The following PRKCE variants were observed in gnomAD, a reference collection of about 807,000 sequenced individuals.
The protein encoded by PRKCE is protein kinase C epsilon.
In PRKCE, 16 loss-of-function variants were observed where a neutral mutation model predicts 85.4. The observed-to-expected ratio is 0.19, with a 90% CI of 0.13 to 0.28. PRKCE has a LOEUF of 0.28. Among genes scored for constraint, PRKCE ranks in the 10% least tolerant of loss-of-function variants. PRKCE has a pLI of 1.00. For synonymous variants in PRKCE, 388 were observed against 371.5 expected, an observed-to-expected ratio of 1.04 and a Z score of -0.51; for missense variants, 573 against 975.2, an observed-to-expected ratio of 0.59 and a Z score of 5.49.
At chr2:45,966,973 C>T (rs55993515) in intron 2 of PRKCE, among the ~76,000 whole-genome samples, 1 of 152,124 alleles carries the variant, frequency 6.6e-6, no homozygotes, top group South Asian at 2.1e-4. Context: ...AAAGCCACAG[C>T]TTTGGTGGAT....
At chr2:45,856,499 T>G (rs1346954350) in intron 2 of PRKCE, among the ~76,000 whole-genome samples, 1 of 152,210 alleles carries the variant, frequency 6.6e-6, no homozygotes, top group East Asian at 1.9e-4. Flanking sequence ...CCAGAGTTCT[T>G]GGATTACAGG....
intron 1 of PRKCE, among the ~76,000 whole-genome samples, chr2:45,812,358 A>C (rs750647453): frequency 2.4e-4 from 37 of 152,226 alleles, no homozygotes; most frequent in Non-Finnish European, 2.6e-4. Context: ...TGAAACATGA[A>C]GCCTAAGGAG....
In PRKCE at chr2:45,895,892, G is replaced by A. The variant is rs1696100549; in HGVS notation, c.412+52829G>A. ...AGGATGCAGGCAAGGGGCTCCCAGA[G>A]GAGTTGGTGTCTGGGCTGTGGCTGA... On this transcript the variant is annotated intron_variant, in intron 2 of 14. Transcript: ENST00000306156. This position sits in a 1 kb window ranked among gnomAD's most constrained non-coding sequence, Gnocchi z 4.8. Among the ~76,000 whole-genome samples, 1 of 152,184 alleles carries A rather than the reference G, an allele frequency of 6.6e-6. No homozygotes were observed. Among genetic ancestry groups the A allele is most frequent in the African/African-American group, 2.4e-5 (1 of 41,444 alleles).
At chr2:45,711,920 G>A (rs1474169586) in intron 1 of PRKCE, among the ~76,000 whole-genome samples, 1 of 152,100 alleles carries the variant, frequency 6.6e-6, no homozygotes, top group Admixed American at 6.6e-5. Flanking sequence ...AACACGCCCG[G>A]CCTCCATTAT....
chr2:45,669,950 G>A (rs1254131158), intron 1 of PRKCE, among the ~76,000 whole-genome samples: 1 of 152,210 alleles, frequency 6.6e-6, no homozygotes. Context: ...GGCAGAGGTT[G>A]CAGTGAGCTG....
At chr2:45,793,069 G>T (rs1338779015) in intron 1 of PRKCE, among the ~76,000 whole-genome samples, 1 of 152,226 alleles carries the variant, frequency 6.6e-6, no homozygotes, top group Non-Finnish European at 1.5e-5. Flanking sequence ...AAAGAGCTGG[G>T]ATTACAGGCG....
intron 1 of PRKCE, among the ~76,000 whole-genome samples, chr2:45,763,244 G>A (rs1297735171): frequency 6.6e-6 from 1 of 152,192 alleles, no homozygotes; most frequent in African/African-American, 2.4e-5. Flanking sequence ...GTGAGCCACT[G>A]CTCCTGGCCT....
intron 2 of PRKCE, among the ~76,000 whole-genome samples, chr2:45,949,879 CTTTG>C (rs1700506980): frequency 1.8e-5 from 2 of 113,670 alleles, no homozygotes; most frequent in Non-Finnish European, 4.0e-5. Flanking sequence ...AGCCTTCATT[CTTTG>C]TTGTTTTTTT....
At chr2:45,707,080 A>G (rs1282407001) in intron 1 of PRKCE, among the ~76,000 whole-genome samples, 5 of 152,218 alleles carry the variant, frequency 3.3e-5, no homozygotes, top group African/African-American at 1.2e-4. Context: ...TGACTGTTAT[A>G]TTCCTCAGTC....
chr2:46,021,563 A>G (rs1032361537), intron 10 of PRKCE, among the ~76,000 whole-genome samples: 1 of 152,012 alleles, frequency 6.6e-6, no homozygotes, highest in Non-Finnish European at 1.5e-5. Context: ...GAAACTGTCA[A>G]TTGTGTAGCC....
In PRKCE at chr2:46,086,992, A is replaced by G. The variant is rs76906758; in HGVS notation, c.1592+630A>G. Among the ~76,000 whole-genome samples, 1,091 of 152,306 alleles carry G rather than the reference A, an allele frequency of 7.2e-3. 12 individuals are homozygous for G. The highest frequency in any genetic ancestry group is 0.024 in the African/African-American group (977 of 41,552). On this transcript the variant is annotated intron_variant, in intron 11 of 14. Coordinates refer to ENST00000306156, the MANE Select transcript of PRKCE (RefSeq NM_005400.3). ...CGCACACTGATTTTCCATGAAGAGA[A>G]CAAAACTACAAAGGCTCTTCTGTGA...
At chr2:46,112,499 T>TTTTG (rs148218328) in intron 11 of PRKCE, among the ~76,000 whole-genome samples, 1 of 140,684 alleles carries the variant, frequency 7.1e-6, no homozygotes, top group African/African-American at 2.6e-5. Flanking sequence ...TTGGTTTTTT[T>TTTTG]TTTGTTTGTT....
chr2:45,873,675 G>A (rs1694262502), intron 2 of PRKCE, among the ~76,000 whole-genome samples: 1 of 152,170 alleles, frequency 6.6e-6, no homozygotes, highest in African/African-American at 2.4e-5. Context: ...CATCCCAGCT[G>A]CCTCCTCACT....
rs910460553 is a variant in PRKCE, at chr2:45,938,989, G to C, written c.413-37440G>C. Among the ~76,000 whole-genome samples, 4 of 152,176 alleles carry C rather than the reference G, an allele frequency of 2.6e-5. No individual in the cohort carries two copies. In the South Asian group the frequency reaches 8.3e-4, roughly 32 times the overall value. On this transcript the variant is annotated intron_variant, in intron 2 of 14. Coordinates refer to ENST00000306156, the MANE Select transcript of PRKCE (RefSeq NM_005400.3). ...CAACACTCAGGAATCCAGCGCAGTA[G>C]GCTAATTCCACGCTGGCTCTGACCT...
intron 1 of PRKCE, among the ~76,000 whole-genome samples, chr2:45,748,977 C>T (rs1438988002): frequency 6.6e-6 from 1 of 151,236 alleles, no homozygotes; most frequent in Non-Finnish European, 1.5e-5. Context: ...GCAACCTCTG[C>T]CTCTTGGGTT....
In PRKCE at chr2:45,871,972, G is replaced by A. The variant is rs114053226; in HGVS notation, c.412+28909G>A. Among the ~76,000 whole-genome samples the A allele has an allele frequency of 3.3e-3, 510 of 152,298 alleles. 2 individuals carry two copies. Among genetic ancestry groups the A allele is most frequent in the Non-Finnish European group, 6.4e-3 (438 of 68,036 alleles). On this transcript the variant is annotated intron_variant, in intron 2 of 14. Coordinates refer to ENST00000306156, the MANE Select transcript of PRKCE (RefSeq NM_005400.3). ...AGTATACTGAGGACGGAGTTAGTGTGACAGTACCCTATGCCAGGCACCATG... is the reference window on the plus strand; with the variant it reads ...AGTATACTGAGGACGGAGTTAGTGTAACAGTACCCTATGCCAGGCACCATG...
Position 46,139,648 on chromosome 2 carries a change from T to C in PRKCE, c.1593-5445T>C, listed in dbSNP as rs911487976. On this transcript the variant is annotated intron_variant, in intron 11 of 14. Coordinates refer to ENST00000306156, the MANE Select transcript of PRKCE (RefSeq NM_005400.3). The surrounding 1 kb of genome is among the most constrained non-coding windows in gnomAD (Gnocchi z 5.2). The stretch of plus-strand genomic sequence containing the variant: ...GCATTATGTCCTCATTCATGCAATA[T>C]ACAGAATATATAGAGGAACATATAT... 2.6e-5 allele frequency among the ~76,000 whole-genome samples: 4 copies of C among 151,960 alleles called. No individual in the cohort carries two copies. Among genetic ancestry groups the C allele is most frequent in the African/African-American group, 9.7e-5 (4 of 41,404 alleles).
intron 1 of PRKCE, among the ~76,000 whole-genome samples, chr2:45,716,961 A>C (rs1680176745): frequency 2.6e-5 from 4 of 152,186 alleles, no homozygotes; most frequent in African/African-American, 9.6e-5. Flanking sequence ...TATCATGAGA[A>C]TAGCATGGGG....
rs186085675 is a variant in PRKCE, at chr2:45,925,705, G to T, written c.413-50724G>T. ...AGGGAGAATTCTAGAGCATAAGCTC[G>T]GGGAGCTCACAAGCTGGCCAAGGAT... On this transcript the variant is annotated intron_variant, in intron 2 of 14. Transcript: ENST00000306156. Among the ~76,000 whole-genome samples the T allele has an allele frequency of 9.2e-3, 1,396 of 152,302 alleles. 22 individuals carry two copies. Among genetic ancestry groups the T allele is most frequent in the African/African-American group, 0.032 (1,323 of 41,552 alleles).
Sources: allele counts gnomAD v4.1 joint callset (sites outside exome capture counted in the v4.1 genomes callset), GRCh38; gene constraint gnomAD v4.1.1; non-coding constraint Gnocchi (gnomAD v3.1); transcripts MANE v1.5; gene names NCBI Gene and HGNC (gene_info 2026-07-23, HGNC 2026-07-21).